UGT1A6: variants seen among roughly 807,000 people sequenced by gnomAD.
UGT1A6 encodes UDP glucuronosyltransferase family 1 member A6.
UGT1A6 carries 32 observed loss-of-function variants against 44.4 expected under a neutral mutation model. The observed-to-expected ratio is 0.72, with a 90% confidence interval of 0.54 to 0.97. The LOEUF (loss-of-function observed/expected upper bound fraction) is 0.97, where lower values mean the gene tolerates loss of function less well. Ranked by LOEUF, UGT1A6 falls within the 50% of genes least tolerant of loss-of-function variation. The probability of loss-of-function intolerance (pLI) is 0.00; values close to 1 mark genes in which losing one functional copy is unlikely to be tolerated. For missense variants in UGT1A6, 685 were observed against 661.9 expected (o/e 1.03, Z -0.38); for synonymous variants, 238 against 248.5 (o/e 0.96, Z 0.40).
intron 1 of UGT1A6, among the ~76,000 whole-genome samples, chr2:233,736,665 A>C (rs1163835582): frequency 2.0e-5 from 3 of 152,142 alleles, no homozygotes; most frequent in Non-Finnish European, 4.4e-5. Flanking sequence ...TATGTACCTT[A>C]GGTCTTTGAT....
intron 1 of UGT1A6, chr2:233,755,178 T>C: frequency 8.1e-7 from 1 of 1,236,812 alleles, no homozygotes; most frequent in Non-Finnish European, 1.1e-6. Flanking sequence ...TTTGTCGGGG[T>C]GCCACTTGAG....
intron 1 of UGT1A6, among the ~76,000 whole-genome samples, chr2:233,725,932 G>A (rs2077483924): frequency 6.6e-6 from 1 of 152,164 alleles, no homozygotes. Context: ...TTGGGAGACT[G>A]ATGCAGGAGG....
chr2:233,734,934 T>A (rs2078587664), intron 1 of UGT1A6, among the ~76,000 whole-genome samples: 1 of 152,172 alleles, frequency 6.6e-6, no homozygotes, highest in Admixed American at 6.6e-5. Flanking sequence ...TTACTTACAA[T>A]CATATGGTCA....
At chr2:233,719,183 T>C (rs1190201786) in intron 1 of UGT1A6, 5 of 1,614,222 alleles carry the variant, frequency 3.1e-6, no homozygotes, top group Non-Finnish European at 4.2e-6. Flanking sequence ...ACAATGTATC[T>C]TTGGCCCTTC....
chr2:233,704,935 A>T (rs931417654), intron 1 of UGT1A6, among the ~76,000 whole-genome samples: 3 of 152,162 alleles, frequency 2.0e-5, no homozygotes, highest in Non-Finnish European at 4.4e-5. Flanking sequence ...GCCTAGATCA[A>T]GACCAGCCTG....
chr2:233,769,948 G>A lies in UGT1A6; in HGVS notation c.1301+1509G>A, dbSNP rs34217924. ...TGTGGTCCCATTCCTTCCTTCCAGC[G>A]GCTTCTTCTGGCCACCTCAATGTCA... On this transcript the variant is annotated intron_variant, in intron 4 of 4. Transcript: ENST00000305139. The surrounding 1 kb of genome is among the most constrained non-coding windows in gnomAD (Gnocchi z 4.4). The A allele has an allele frequency of 2.0e-3, 447 of 222,054 alleles. 3 individuals carry two copies. The highest frequency in any genetic ancestry group is 0.017 in the East Asian group (164 of 9,732). The allele number at this position is 222,054 out of a possible 1,614,324, so 13.8% of individuals were successfully genotyped here. A position where few individuals can be genotyped will look rare whatever the true frequency, so the allele number is the denominator to read the frequency against.
chr2:233,754,938 G>A lies in UGT1A6; in HGVS notation c.862-12096G>A, dbSNP rs1338582901. ...CAGCGGGTTTCCCAAGAGGTCAAAG[G>A]AGAATGGGTCCCGGCCGCCAAAGAA... On this transcript the variant is annotated intron_variant, in intron 1 of 4. Coordinates refer to ENST00000305139, the MANE Select transcript of UGT1A6 (RefSeq NM_001072.4). 4 of 1,337,850 alleles carry A rather than the reference G, an allele frequency of 3.0e-6. No individual in the cohort carries two copies. The South Asian group carries it at 4.6e-5, about 15-fold the overall frequency. The allele number at this position is 1,337,850 out of a possible 1,614,324, so 82.9% of individuals were successfully genotyped here.
intron 1 of UGT1A6, among the ~76,000 whole-genome samples, chr2:233,745,069 T>C (rs1371401376): frequency 2.0e-5 from 3 of 151,904 alleles, no homozygotes; most frequent in African/African-American, 7.3e-5. Flanking sequence ...ATTATTTGTA[T>C]TGTTTTTTCA....
intron 1 of UGT1A6, chr2:233,718,998 G>T (rs759529745): frequency 1.9e-6 from 3 of 1,614,266 alleles, no homozygotes; most frequent in South Asian, 1.1e-5. Context: ...CCAGGCGGTG[G>T]TCCTCACCCC....
intron 1 of UGT1A6, among the ~76,000 whole-genome samples, chr2:233,745,945 G>C (rs1693257711): frequency 6.6e-6 from 1 of 151,628 alleles, no homozygotes; most frequent in Non-Finnish European, 1.5e-5. Context: ...CTGGGGGTTG[G>C]GCAACTGGGG....
intron 1 of UGT1A6, chr2:233,713,073 A>G (rs2076276099): frequency 1.2e-6 from 2 of 1,614,110 alleles, no homozygotes; most frequent in African/African-American, 2.7e-5. Flanking sequence ...CTGGGCTGAG[A>G]GTGGGAAGGT....
At position 233,711,986 on chromosome 2, in the gene UGT1A6, A is replaced by G. The variant is rs576273214; in HGVS notation, c.861+18121A>G. Among the ~76,000 whole-genome samples, 5 of 152,300 alleles carry G rather than the reference A, an allele frequency of 3.3e-5. No individual in the cohort carries two copies. The South Asian group carries it at 1.0e-3, about 32-fold the overall frequency. The stretch of plus-strand genomic sequence containing the variant: ...GAAATTTGAACTAGAGCCCCCACAA[A>G]TTATTCTGTTCTGGAGGAACCATTC... On this transcript the variant is annotated intron_variant, in intron 1 of 4. Transcript: ENST00000305139.
At chr2:233,698,327 T>TA in intron 1 of UGT1A6, among the ~76,000 whole-genome samples, 1 of 152,314 alleles carries the variant, frequency 6.6e-6, no homozygotes, top group South Asian at 2.1e-4. Flanking sequence ...TGGAACCAGA[T>TA]AGAGGTGTCA....
intron 1 of UGT1A6, chr2:233,760,836 T>C: frequency 6.2e-7 from 1 of 1,613,700 alleles, no homozygotes; most frequent in Non-Finnish European, 8.5e-7. Flanking sequence ...AATTTGAGGC[T>C]ACCCAGTGCC....
chr2:233,730,676 G>A (rs992783530), intron 1 of UGT1A6, among the ~76,000 whole-genome samples: 4 of 152,128 alleles, frequency 2.6e-5, no homozygotes, highest in Non-Finnish European at 4.4e-5. Flanking sequence ...CAAAGTAATG[G>A]TTGCATCTCA....
intron 1 of UGT1A6, among the ~76,000 whole-genome samples, chr2:233,765,663 C>T (rs1698902511): frequency 6.6e-6 from 1 of 151,426 alleles, no homozygotes; most frequent in South Asian, 2.1e-4. Flanking sequence ...CAGCAAACCA[C>T]CATGGCATAT....
intron 1 of UGT1A6, among the ~76,000 whole-genome samples, chr2:233,725,500 A>C (rs2125714454): frequency 6.6e-6 from 1 of 152,210 alleles, no homozygotes; most frequent in East Asian, 1.9e-4. Flanking sequence ...GAAACCACTG[A>C]AATTAATTTT....
intron 1 of UGT1A6, among the ~76,000 whole-genome samples, chr2:233,741,230 C>T (rs1691594926): frequency 6.6e-6 from 1 of 151,876 alleles, no homozygotes; most frequent in Non-Finnish European, 1.5e-5. Flanking sequence ...AGACCCACTA[C>T]CTCTGAGTGA....
intron 1 of UGT1A6, chr2:233,752,529 C>A (rs570345449): frequency 1.3e-5 from 2 of 152,130 alleles, no homozygotes; most frequent in Non-Finnish European, 2.9e-5. Context: ...TCTAAAAATT[C>A]TTTAAATAAA....
Sources: allele counts gnomAD v4.1 joint callset (sites outside exome capture counted in the v4.1 genomes callset), GRCh38; gene constraint gnomAD v4.1.1; non-coding constraint Gnocchi (gnomAD v3.1); transcripts MANE v1.5; gene names NCBI Gene and HGNC (gene_info 2026-07-23, HGNC 2026-07-21).